RARB: variants seen among roughly 807,000 people sequenced by gnomAD.
The protein encoded by RARB is HBV-activated protein.
In RARB, 17 loss-of-function variants were observed where a neutral mutation model predicts 51.9. The ratio of observed to expected loss-of-function variants is 0.33; its 90% CI spans 0.22 to 0.49. The LOEUF (loss-of-function observed/expected upper bound fraction) is 0.49. Ranked by LOEUF, RARB falls within the 20% of genes least tolerant of loss-of-function variation. The probability of loss-of-function intolerance (pLI) is 0.99; values close to 1 mark genes in which losing one functional copy is unlikely to be tolerated. For synonymous variants in RARB, 215 were observed against 195.4 expected (o/e 1.10, Z -0.84); for missense variants, 369 against 550.8 (o/e 0.67, Z 3.30).
At chr3:24,935,334 A>C (rs1345652473) in intron 2 of RARB, among the ~76,000 whole-genome samples, 5 of 152,138 alleles carry the variant, frequency 3.3e-5, no homozygotes, top group Non-Finnish European at 7.4e-5. Context: ...TCCCTAGTAT[A>C]TGACCTCCAA....
chr3:25,376,173 G>T (rs75811497), intron 5 of RARB, among the ~76,000 whole-genome samples: 1 of 152,244 alleles, frequency 6.6e-6, no homozygotes, highest in Non-Finnish European at 1.5e-5. Flanking sequence ...TGTAGAATCA[G>T]TCACATAAAA....
At chr3:25,172,436 G>T (rs1262363328) in intron 4 of RARB, among the ~76,000 whole-genome samples, 1 of 152,152 alleles carries the variant, frequency 6.6e-6, no homozygotes, top group Admixed American at 6.5e-5. Flanking sequence ...CCTTAAAAAG[G>T]GTTAGAGCTT....
At chr3:25,264,588 C>T (rs1031536696) in intron 5 of RARB, among the ~76,000 whole-genome samples, 5 of 151,940 alleles carry the variant, frequency 3.3e-5, no homozygotes, top group African/African-American at 1.2e-4. Flanking sequence ...TATACAAATA[C>T]CTTTACTTTT....
chr3:25,190,601 C>T (rs1701078547), intron 5 of RARB, among the ~76,000 whole-genome samples: 1 of 152,046 alleles, frequency 6.6e-6, no homozygotes, highest in Non-Finnish European at 1.5e-5. Context: ...GAAAAAGAGA[C>T]TGCCAGGTGA....
intron 2 of RARB, among the ~76,000 whole-genome samples, chr3:24,897,174 G>A (rs1703494814): frequency 6.6e-6 from 1 of 152,146 alleles, no homozygotes; most frequent in Admixed American, 6.5e-5. Context: ...TGCCATTTTG[G>A]GTAGTTGGCT....
At chr3:25,594,407 T>C (rs1701732247) in intron 6 of RARB, 113 bp from the exon 7 acceptor site, 9 of 1,172,152 alleles carry the variant, frequency 7.7e-6, no homozygotes, top group Non-Finnish European at 1.0e-5. Context: ...AATTTGTGTA[T>C]GTAATTGAAT....
chr3:25,408,212 C>G (rs1707465548), intron 5 of RARB, among the ~76,000 whole-genome samples: 1 of 152,126 alleles, frequency 6.6e-6, no homozygotes, highest in South Asian at 2.1e-4. Flanking sequence ...TAATGATGGG[C>G]TATGTATTAA....
At chr3:25,296,403 T>C (rs762552029) in intron 5 of RARB, among the ~76,000 whole-genome samples, 1 of 152,196 alleles carries the variant, frequency 6.6e-6, no homozygotes, top group Non-Finnish European at 1.5e-5. Flanking sequence ...CACTATTTCC[T>C]AGCTTTCTGG....
intron 5 of RARB, among the ~76,000 whole-genome samples, chr3:25,581,521 G>A (rs114035459): frequency 0.012 from 1,843 of 152,306 alleles, 36 homozygotes; most frequent in African/African-American, 0.041. Flanking sequence ...AAGCAGTAGC[G>A]TGAGCAGGGC....
chr3:25,486,677 A>C (rs746963788), intron 2 of RARB, among the ~76,000 whole-genome samples: 7 of 152,170 alleles, frequency 4.6e-5, no homozygotes, highest in Non-Finnish European at 1.0e-4. Context: ...ATGAATTGCT[A>C]AGTTGCTGAG....
chr3:25,086,691 G>C (rs145225666), intron 3 of RARB, among the ~76,000 whole-genome samples: 1 of 152,112 alleles, frequency 6.6e-6, no homozygotes, highest in African/African-American at 2.4e-5. Flanking sequence ...ACAACTCAGG[G>C]TTGGGGGTTG....
At chr3:25,533,370 C>G (rs1189205674) in intron 3 of RARB, among the ~76,000 whole-genome samples, 2 of 152,102 alleles carry the variant, frequency 1.3e-5, no homozygotes, top group East Asian at 3.9e-4. Flanking sequence ...TGTAATAGCA[C>G]CAAAGTCAAT....
chr3:25,003,436 G>A (rs1697208406), intron 2 of RARB, among the ~76,000 whole-genome samples: 1 of 151,890 alleles, frequency 6.6e-6, no homozygotes, highest in African/African-American at 2.4e-5. Context: ...ATGACAAGAT[G>A]GTCCACTCTT....
intron 5 of RARB, among the ~76,000 whole-genome samples, chr3:25,339,165 A>G (rs1705148795): frequency 6.6e-6 from 1 of 152,186 alleles, no homozygotes; most frequent in South Asian, 2.1e-4. Flanking sequence ...CCCAGGATCA[A>G]ATTGTATTGC....
chr3:24,976,206 T>A lies in RARB; in HGVS notation c.-379-83919T>A, dbSNP rs539670497. Among the ~76,000 whole-genome samples the A allele has an allele frequency of 2.0e-5, 3 of 152,342 alleles. No individual in the cohort carries two copies. The East Asian group carries it at 5.8e-4, about 29-fold the overall frequency. Reference sequence around the variant, plus strand: ...TGGGTTGGTTCCAAGTCTTTGCTATTGTGAATAGTGCTGCCATGAACATGC... The same window carrying A: ...TGGGTTGGTTCCAAGTCTTTGCTATAGTGAATAGTGCTGCCATGAACATGC... On this transcript the variant is annotated intron_variant, in intron 2 of 11. Transcript: ENST00000383772.
intron 5 of RARB, among the ~76,000 whole-genome samples, chr3:25,254,139 A>G (rs909586939): frequency 1.3e-5 from 2 of 152,208 alleles, no homozygotes; most frequent in Non-Finnish European, 2.9e-5. Context: ...AACCCTTTCA[A>G]TTGCTTGACA....
intron 3 of RARB, among the ~76,000 whole-genome samples, chr3:25,111,075 T>G (rs986248976): frequency 6.6e-6 from 1 of 152,290 alleles, no homozygotes; most frequent in Non-Finnish European, 1.5e-5. Flanking sequence ...GCAGGATTAT[T>G]TTCTTACCAC....
At chr3:24,840,910 T>C (rs1354732152) in intron 1 of RARB, among the ~76,000 whole-genome samples, 1 of 151,918 alleles carries the variant, frequency 6.6e-6, no homozygotes, top group Non-Finnish European at 1.5e-5. Flanking sequence ...CACACACACA[T>C]AGCACCTAGC....
At chr3:25,592,920 G>A (rs1701667056) in intron 5 of RARB, among the ~76,000 whole-genome samples, 1 of 152,102 alleles carries the variant, frequency 6.6e-6, no homozygotes, top group South Asian at 2.1e-4. Context: ...AGGCATCATG[G>A]GAGAGAGAGC....
Sources: allele counts gnomAD v4.1 joint callset (sites outside exome capture counted in the v4.1 genomes callset), GRCh38; gene constraint gnomAD v4.1.1; transcripts MANE v1.5; gene names NCBI Gene and HGNC (gene_info 2026-07-23, HGNC 2026-07-21).